ARHGAP42: variants seen among roughly 807,000 people sequenced by gnomAD.
ARHGAP42 encodes the protein Rho GTPase activating protein 42, also known as rho GTPase-activating protein 42.
A neutral mutation model predicts 125.0 loss-of-function variants in ARHGAP42; 63 were observed. The observed-to-expected ratio is 0.50, with a 90% CI of 0.41 to 0.62. ARHGAP42 has a LOEUF of 0.62. ARHGAP42 is among the 20% of genes least tolerant of loss of function. The pLI, the probability that ARHGAP42 is intolerant of heterozygous loss-of-function variation, is 0.00. For missense variants in ARHGAP42, 766 were observed against 1,024.2 expected, an observed-to-expected ratio of 0.75 and a Z score of 3.44; for synonymous variants, 339 against 351.0, an observed-to-expected ratio of 0.97 and a Z score of 0.38.
intron 3 of ARHGAP42, among the ~76,000 whole-genome samples, chr11:100,824,533 C>T (rs951038946): frequency 6.6e-6 from 1 of 152,064 alleles, no homozygotes; most frequent in Non-Finnish European, 1.5e-5. Flanking sequence ...ATCTAGGAAG[C>T]ACATGAATTC....
At chr11:100,950,058 T>TGAGATCAATGG in intron 12 of ARHGAP42, 102 bp downstream of exon 12, 3 of 616,588 alleles carry the variant, frequency 4.9e-6, no homozygotes, top group Non-Finnish European at 7.7e-6. Flanking sequence ...TATAACACCA[T>TGAGATCAATGG]TGATCTCATG....
At chr11:100,735,222 G>T (rs1051886709) in intron 1 of ARHGAP42, among the ~76,000 whole-genome samples, 23 of 152,150 alleles carry the variant, frequency 1.5e-4, no homozygotes, top group Non-Finnish European at 3.2e-4. Context: ...ATTCTTTTAT[G>T]ATTGCTTTTA....
chr11:100,689,719 A>G (rs1165274961), intron 1 of ARHGAP42, among the ~76,000 whole-genome samples: 1 of 152,156 alleles, frequency 6.6e-6, no homozygotes, highest in Admixed American at 6.5e-5. Flanking sequence ...AGGATTCTTA[A>G]GTTTGTGGTG....
rs1339920088 is a variant in ARHGAP42, at chr11:100,988,982, G to T, written c.*181G>T. 3 of 488,078 alleles carry T rather than the reference G, an allele frequency of 6.1e-6. No individual in the cohort carries two copies. The highest frequency in any genetic ancestry group is 2.9e-5 in the East Asian group (1 of 34,210). 30.2% of individuals were successfully genotyped at this position (488,078 alleles called of 1,614,324 possible). On this transcript the variant is annotated 3_prime_UTR_variant, in exon 24 of 24. Coordinates refer to ENST00000298815, the MANE Select transcript of ARHGAP42 (RefSeq NM_152432.4). ...ATGGAAAAAAAGATTTAAATTGTTG[G>T]CCATTCTTTTTTGGTTGGTTTCTTA...
At chr11:100,766,700 C>G (rs950445838) in intron 1 of ARHGAP42, among the ~76,000 whole-genome samples, 1 of 152,174 alleles carries the variant, frequency 6.6e-6, no homozygotes, top group Non-Finnish European at 1.5e-5. Context: ...ATCATTATTA[C>G]TGCCAGAAAA....
chr11:100,834,217 G>C (rs1272490055), intron 3 of ARHGAP42, among the ~76,000 whole-genome samples: 1 of 152,166 alleles, frequency 6.6e-6, no homozygotes, highest in Non-Finnish European at 1.5e-5. Context: ...AGCTCAGTCA[G>C]ATATATGATA....
chr11:100,796,786 TTC>T (rs1863727516), intron 3 of ARHGAP42, among the ~76,000 whole-genome samples: 1 of 150,050 alleles, frequency 6.7e-6, no homozygotes, highest in African/African-American at 2.5e-5. Flanking sequence ...TTTTTTTTTT[TTC>T]AGACAGAGTC....
chr11:100,960,554 G>T (rs1681043634), intron 13 of ARHGAP42, among the ~76,000 whole-genome samples: 1 of 152,104 alleles, frequency 6.6e-6, no homozygotes, highest in Non-Finnish European at 1.5e-5. Flanking sequence ...CTAAAATGAA[G>T]ATATAAATGC....
At chr11:100,836,367 A>T (rs1864785717) in intron 3 of ARHGAP42, among the ~76,000 whole-genome samples, 1 of 152,104 alleles carries the variant, frequency 6.6e-6, no homozygotes, top group South Asian at 2.1e-4. Context: ...GAGCTTTTAA[A>T]GGTGGAACAC....
At chr11:100,762,515 C>T (rs12225108) in intron 1 of ARHGAP42, among the ~76,000 whole-genome samples, 9,313 of 152,248 alleles carry the variant, frequency 0.061, 373 homozygotes, top group East Asian at 0.19. Flanking sequence ...GCTCAACTCT[C>T]GTTTATTGAG....
At chr11:100,783,939 T>G (rs536065234) in intron 2 of ARHGAP42, among the ~76,000 whole-genome samples, 1 of 151,706 alleles carries the variant, frequency 6.6e-6, no homozygotes, top group Non-Finnish European at 1.5e-5. Flanking sequence ...AGAAGGGGGG[T>G]CAAAAAATAA....
chr11:100,891,340 A>C (rs1388280994), intron 4 of ARHGAP42, among the ~76,000 whole-genome samples: 1 of 151,798 alleles, frequency 6.6e-6, no homozygotes, highest in Admixed American at 6.6e-5. Flanking sequence ...CAGTCTAAAA[A>C]CATTTATTAC....
chr11:100,734,372 C>T (rs1006746311), intron 1 of ARHGAP42, among the ~76,000 whole-genome samples: 3 of 151,360 alleles, frequency 2.0e-5, no homozygotes, highest in African/African-American at 4.9e-5. Flanking sequence ...CTCTGCCTCC[C>T]GGGTTCAAGC....
At chr11:100,740,854 A>G (rs2120345075) in intron 1 of ARHGAP42, among the ~76,000 whole-genome samples, 1 of 152,214 alleles carries the variant, frequency 6.6e-6, no homozygotes, top group South Asian at 2.1e-4. Context: ...AAATATGTCT[A>G]TCAAGAGAAG....
At chr11:100,980,567 T>C (rs1409092324) in intron 22 of ARHGAP42, among the ~76,000 whole-genome samples, 3,987 of 80,584 alleles carry the variant, frequency 0.049, 359 homozygotes, top group African/African-American at 0.14. Flanking sequence ...TTCTTTTTTT[T>C]TTTTTTTTTT....
intron 22 of ARHGAP42, among the ~76,000 whole-genome samples, chr11:100,982,139 TA>T (rs1428656814): frequency 1.3e-5 from 2 of 152,156 alleles, no homozygotes; most frequent in Non-Finnish European, 2.9e-5. Context: ...GGAATGGTTT[TA>T]TTTAACGTTC....
At chr11:100,939,544 T>C (rs1867821268) in intron 8 of ARHGAP42, among the ~76,000 whole-genome samples, 1 of 152,152 alleles carries the variant, frequency 6.6e-6, no homozygotes, top group Admixed American at 6.6e-5. Context: ...TTATAATGTC[T>C]GATATAAAAG....
intron 3 of ARHGAP42, among the ~76,000 whole-genome samples, chr11:100,833,994 G>A (rs1284101095): frequency 1.3e-5 from 2 of 152,134 alleles, no homozygotes; most frequent in Non-Finnish European, 2.9e-5. Context: ...AAAATCTTAG[G>A]TTTGGAAAAT....
intron 16 of ARHGAP42, 127 bp downstream of exon 16, chr11:100,962,594 G>A: frequency 1.1e-6 from 1 of 871,968 alleles, no homozygotes; most frequent in South Asian, 1.9e-5. Context: ...TTGTTAATCT[G>A]GGCCGGGTGC....
Sources: allele counts gnomAD v4.1 joint callset (sites outside exome capture counted in the v4.1 genomes callset), GRCh38; gene constraint gnomAD v4.1.1; transcripts MANE v1.5; gene names NCBI Gene and HGNC (gene_info 2026-07-23, HGNC 2026-07-21).